Variants in MCC observed in about 807,000 individuals in gnomAD.
MCC encodes MCC regulator of Wnt signaling pathway.
In MCC, 90 loss-of-function variants were observed where a neutral mutation model predicts 116.2. That is an observed-to-expected ratio of 0.77 (90% CI 0.65 to 0.92). The LOEUF is 0.92. Among genes scored for constraint, MCC ranks in the 40% least tolerant of loss-of-function variants. The pLI is 0.00. For synonymous variants in MCC, 578 were observed against 510.5 expected (o/e 1.13, Z -1.78); for missense variants, 1,516 against 1,312.2 (o/e 1.16, Z -2.40).
At position 113,385,021 on chromosome 5, in the gene MCC, T is replaced by C. The variant is rs751173350; in HGVS notation, c.362A>G (p.Lys121Arg). The part of the protein sequence containing the change: ...LSAKSDNSCT[K>R]KLRDRIASWP... ...GGAAGCAATTCTATCCCTCAGCTTC[T>C]TTGTACAGGAGTTGTCTGACTTTGC... The change falls in exon 2 of 19, where the codon AAG becomes AGG. Residue 121 changes from lysine (K) to arginine (R), a missense_variant. Transcript: ENST00000408903. 6 of 1,614,220 alleles carry C rather than the reference T, an allele frequency of 3.7e-6. No individual in the cohort carries two copies. The East Asian group carries it at 1.3e-4, about 36-fold the overall frequency.
At chr5:113,054,793 C>T (rs13357496) in intron 14 of MCC, among the ~76,000 whole-genome samples, 2 of 152,068 alleles carry the variant, frequency 1.3e-5, no homozygotes, top group Admixed American at 6.5e-5. Context: ...GAACCCCAGG[C>T]CTGTGGCAGC....
At chr5:113,476,907 T>C (rs1772248388) in intron 1 of MCC, among the ~76,000 whole-genome samples, 1 of 152,226 alleles carries the variant, frequency 6.6e-6, no homozygotes, top group Admixed American at 6.5e-5. Flanking sequence ...GTCAATTATA[T>C]CTCAATAAAG....
chr5:113,420,077 G>T (rs1299422150), intron 1 of MCC, among the ~76,000 whole-genome samples: 2 of 140,692 alleles, frequency 1.4e-5, no homozygotes, highest in Non-Finnish European at 3.0e-5. Context: ...GGTGAAATAT[G>T]TTATATGAAT....
At chr5:113,407,192 T>C (rs1443372356) in intron 1 of MCC, among the ~76,000 whole-genome samples, 2 of 152,134 alleles carry the variant, frequency 1.3e-5, no homozygotes, top group South Asian at 2.1e-4. Flanking sequence ...TTAATAAACA[T>C]GCAAAGAGGT....
chr5:113,434,053 T>C lies in MCC; in HGVS notation c.171-48841A>G. On this transcript the variant is annotated intron_variant, in intron 1 of 18. Transcript: ENST00000408903. The surrounding 1 kb of genome is among the most constrained non-coding windows in gnomAD (Gnocchi z 4.2). Reference sequence around the variant, plus strand: ...CAGCAGTGGCTGAGGATCTCGTCGATGTGGAGCCGCCGGTTGACGTCGGGC... The same window carrying C: ...CAGCAGTGGCTGAGGATCTCGTCGACGTGGAGCCGCCGGTTGACGTCGGGC... 1 of 1,614,040 alleles carries C rather than the reference T, an allele frequency of 6.2e-7. No homozygotes were observed. The highest frequency in any genetic ancestry group is 8.5e-7 in the Non-Finnish European group (1 of 1,179,926).
chr5:113,055,917 G>A (rs1752804592), intron 14 of MCC, among the ~76,000 whole-genome samples: 1 of 152,228 alleles, frequency 6.6e-6, no homozygotes, highest in Non-Finnish European at 1.5e-5. Context: ...TCTTCCTCCA[G>A]ACAGCTTTCA....
chr5:113,284,261 G>A (rs1183529781), intron 3 of MCC, among the ~76,000 whole-genome samples: 2 of 152,148 alleles, frequency 1.3e-5, no homozygotes, highest in Admixed American at 6.5e-5. Context: ...GAGGTGGGAC[G>A]ATCACTTGAG....
chr5:113,072,705 C>T (rs148838825), intron 11 of MCC, among the ~76,000 whole-genome samples: 127 of 152,288 alleles, frequency 8.3e-4, no homozygotes, highest in African/African-American at 2.7e-3. Flanking sequence ...GGGGCTGTCC[C>T]GGGGTCCCCT....
rs193210836 is a variant in MCC, at chr5:113,108,434, C to T, written c.1028-4079G>A. Among the ~76,000 whole-genome samples the T allele has an allele frequency of 1.4e-3, 205 of 149,748 alleles. 1 individual carries two copies. Among genetic ancestry groups the T allele is most frequent in the African/African-American group, 4.8e-3 (197 of 40,638 alleles). ...CTTTGGGAGGCTGAGGCGGGCAGAT[C>T]ACGAGGTCAGGAGTTTGAGACCAGC... On this transcript the variant is annotated intron_variant, in intron 6 of 18. Coordinates refer to ENST00000408903, the MANE Select transcript of MCC (RefSeq NM_001085377.2).
At chr5:113,404,263 A>C (rs1769770115) in intron 1 of MCC, among the ~76,000 whole-genome samples, 2 of 152,220 alleles carry the variant, frequency 1.3e-5, no homozygotes, top group Admixed American at 1.3e-4. Flanking sequence ...CAAAATTCAC[A>C]GCTCTGAAAC....
chr5:113,236,026 C>A (rs985969106), intron 3 of MCC, among the ~76,000 whole-genome samples: 1 of 152,140 alleles, frequency 6.6e-6, no homozygotes. Flanking sequence ...CTAGGTAGGT[C>A]GGATTTCCTC....
intron 1 of MCC, among the ~76,000 whole-genome samples, chr5:113,475,765 A>G (rs1284351211): frequency 7.2e-5 from 11 of 152,178 alleles, no homozygotes; most frequent in Admixed American, 7.2e-4. Flanking sequence ...AAAATGAAAA[A>G]TCACCCTCAC....
intron 5 of MCC, among the ~76,000 whole-genome samples, chr5:113,138,219 T>A (rs1012648580): frequency 5.3e-5 from 8 of 152,032 alleles, no homozygotes; most frequent in African/African-American, 1.9e-4. Flanking sequence ...GTGTGTTGGC[T>A]AGGCTGATCT....
intron 1 of MCC, among the ~76,000 whole-genome samples, chr5:113,429,070 G>A (rs528978582): frequency 6.6e-6 from 1 of 152,180 alleles, no homozygotes; most frequent in East Asian, 1.9e-4. Flanking sequence ...GAAGAAATAG[G>A]ACAAAAACTT....
intron 1 of MCC, among the ~76,000 whole-genome samples, chr5:113,471,804 C>A (rs1354649606): frequency 6.7e-6 from 1 of 149,128 alleles, no homozygotes; most frequent in Admixed American, 6.8e-5. Flanking sequence ...GTGGGCTCCA[C>A]CCAGTTCGAG....
intron 15 of MCC, among the ~76,000 whole-genome samples, chr5:113,053,416 G>C (rs954885352): frequency 1.3e-5 from 2 of 152,148 alleles, no homozygotes; most frequent in Non-Finnish European, 2.9e-5. Flanking sequence ...TTGAGATTAG[G>C]GGTCAATTTA....
intron 3 of MCC, among the ~76,000 whole-genome samples, chr5:113,161,939 G>C (rs560666328): frequency 2.0e-5 from 3 of 152,338 alleles, no homozygotes; most frequent in African/African-American, 7.2e-5. Flanking sequence ...GCCCAGGCAG[G>C]CCCTGGCTTG....
intron 1 of MCC, chr5:113,433,435 C>T (rs1580368484): frequency 3.4e-6 from 2 of 593,910 alleles, no homozygotes; most frequent in Admixed American, 2.5e-5. Context: ...TGTCACTGAG[C>T]CGTTGCGGCC....
chr5:113,222,671 A>G (rs1446601104), intron 3 of MCC, among the ~76,000 whole-genome samples: 1 of 152,238 alleles, frequency 6.6e-6, no homozygotes, highest in Non-Finnish European at 1.5e-5. Flanking sequence ...AGAAACGAAG[A>G]GAATATTCAA....
Sources: gnomAD v4.1 joint callset for allele counts (sites outside exome capture counted in the v4.1 genomes callset) on GRCh38, gnomAD v4.1.1 for gene constraint, Gnocchi (gnomAD v3.1) non-coding constraint, MANE v1.5 for transcripts, NCBI Gene and HGNC (gene_info 2026-07-23, HGNC 2026-07-21) for gene names.